The following UMAD1 variants were observed in gnomAD, a reference collection of about 807,000 sequenced individuals.
UMAD1 encodes the protein UBAP1-MVB12-associated (UMA)-domain containing protein 1.
A neutral mutation model predicts 6.1 loss-of-function variants in UMAD1; 8 were observed. The observed-to-expected ratio is 1.30, with a 90% CI of 0.76 to 2.35. The LOEUF (loss-of-function observed/expected upper bound fraction) is 2.35. Among genes scored for constraint, UMAD1 ranks in the 30% most tolerant of loss-of-function variants. The pLI, the probability that UMAD1 is intolerant of heterozygous loss-of-function variation, is 0.00. For missense variants in UMAD1, 130 were observed against 78.4 expected, an observed-to-expected ratio of 1.66 and a Z score of -2.49; for synonymous variants, 56 against 31.4, an observed-to-expected ratio of 1.78 and a Z score of -2.61.
intron 1 of UMAD1, among the ~76,000 whole-genome samples, chr7:7,651,254 A>G (rs1460212411): frequency 2.0e-5 from 3 of 152,238 alleles, no homozygotes; most frequent in Admixed American, 2.0e-4. Flanking sequence ...AGTATATGTT[A>G]GTACTAGAGC....
chr7:7,874,973 C>T (rs13438763), intron 3 of UMAD1, among the ~76,000 whole-genome samples: 78,053 of 151,806 alleles, frequency 0.51, 20,351 homozygotes, highest in Non-Finnish European at 0.54. Flanking sequence ...GGGGTTTCTC[C>T]ATGTTGGTCA....
At chr7:7,655,356 A>C (rs979288502) in intron 1 of UMAD1, among the ~76,000 whole-genome samples, 3 of 152,244 alleles carry the variant, frequency 2.0e-5, no homozygotes, top group African/African-American at 7.2e-5. Flanking sequence ...TTAATTTAGT[A>C]TAAAGTAAAA....
intron 3 of UMAD1, among the ~76,000 whole-genome samples, chr7:7,861,153 T>C (rs1563267524): frequency 6.6e-6 from 1 of 152,232 alleles, no homozygotes. Context: ...TTTAGGATTC[T>C]AGAGATGGAG....
At chr7:7,799,630 G>A (rs1229645006) in intron 2 of UMAD1, among the ~76,000 whole-genome samples, 1 of 152,164 alleles carries the variant, frequency 6.6e-6, no homozygotes, top group Non-Finnish European at 1.5e-5. Context: ...GAAACATCGT[G>A]CATGTGCATT....
At chr7:7,806,423 A>G (rs1782915202) in intron 3 of UMAD1, among the ~76,000 whole-genome samples, 1 of 152,166 alleles carries the variant, frequency 6.6e-6, no homozygotes, top group Non-Finnish European at 1.5e-5. Context: ...ACTATAGTGC[A>G]GGTTTTTGAA....
At chr7:7,797,131 A>G (rs1256989292) in intron 2 of UMAD1, among the ~76,000 whole-genome samples, 1 of 152,308 alleles carries the variant, frequency 6.6e-6, no homozygotes, top group East Asian at 1.9e-4. Flanking sequence ...GCTTACAATC[A>G]TGGCAGAAGG....
At chr7:7,684,965 C>T (rs1264281727) in intron 2 of UMAD1, among the ~76,000 whole-genome samples, 4 of 152,186 alleles carry the variant, frequency 2.6e-5, no homozygotes, top group African/African-American at 7.2e-5. Flanking sequence ...ATTTCTCCTA[C>T]TGTTTCCTTA....
At chr7:7,759,385 C>T (rs1229001621) in intron 2 of UMAD1, among the ~76,000 whole-genome samples, 1 of 152,198 alleles carries the variant, frequency 6.6e-6, no homozygotes, top group Non-Finnish European at 1.5e-5. Flanking sequence ...TCACCTTCAT[C>T]CGGCATCAGC....
chr7:7,793,950 A>G (rs549064648), intron 2 of UMAD1, among the ~76,000 whole-genome samples: 13 of 152,290 alleles, frequency 8.5e-5, no homozygotes, highest in African/African-American at 2.4e-5. Flanking sequence ...TTCGAAAAAA[A>G]ATTTTTTTTT....
intron 1 of UMAD1, among the ~76,000 whole-genome samples, chr7:7,669,306 G>GTT (rs1779548065): frequency 1.3e-5 from 2 of 152,136 alleles, no homozygotes; most frequent in African/African-American, 4.8e-5. Flanking sequence ...AATGTTAGTG[G>GTT]CATTTGTAGT....
At chr7:7,663,764 G>A (rs569112084) in intron 1 of UMAD1, among the ~76,000 whole-genome samples, 12 of 152,102 alleles carry the variant, frequency 7.9e-5, no homozygotes, top group Admixed American at 2.6e-4. Context: ...TAGTATCCCC[G>A]GGGCAATAAC....
intron 1 of UMAD1, among the ~76,000 whole-genome samples, chr7:7,642,869 T>C (rs917822653): frequency 6.6e-6 from 1 of 152,240 alleles, no homozygotes; most frequent in African/African-American, 2.4e-5. Flanking sequence ...TAGGTGGTTT[T>C]ATCACACATG....
intron 2 of UMAD1, among the ~76,000 whole-genome samples, chr7:7,759,054 C>T (rs1781833892): frequency 6.6e-6 from 1 of 152,148 alleles, no homozygotes; most frequent in Non-Finnish European, 1.5e-5. Context: ...GCACTTCTTA[C>T]ATGGTTATTT....
At chr7:7,752,350 C>T (rs1344158831) in intron 2 of UMAD1, among the ~76,000 whole-genome samples, 1 of 152,020 alleles carries the variant, frequency 6.6e-6, no homozygotes, top group Non-Finnish European at 1.5e-5. Context: ...TTAAGTTTCT[C>T]TTGATTTAAC....
intron 3 of UMAD1, among the ~76,000 whole-genome samples, chr7:7,840,886 G>A (rs1297128755): frequency 6.6e-6 from 1 of 152,184 alleles, no homozygotes; most frequent in Non-Finnish European, 1.5e-5. Context: ...GCTTGGAGGA[G>A]TTGTACTCCA....
chr7:7,756,411 C>A (rs1466539518), intron 2 of UMAD1, among the ~76,000 whole-genome samples: 1 of 152,160 alleles, frequency 6.6e-6, no homozygotes, highest in Non-Finnish European at 1.5e-5. Context: ...TGAAAAAGGG[C>A]ATCTGTTGAC....
intron 2 of UMAD1, among the ~76,000 whole-genome samples, chr7:7,711,138 T>C (rs1780752948): frequency 6.6e-6 from 1 of 152,194 alleles, no homozygotes. Flanking sequence ...GTGAATGAAA[T>C]ATCCTGGTTG....
intron 2 of UMAD1, among the ~76,000 whole-genome samples, chr7:7,706,241 GA>G (rs796383719): frequency 6.6e-6 from 1 of 152,112 alleles, no homozygotes; most frequent in African/African-American, 2.4e-5. Flanking sequence ...CTTCTGAGAT[GA>G]AAAAAATCAT....
At chr7:7,695,125 C>T (rs544894835) in intron 2 of UMAD1, among the ~76,000 whole-genome samples, 1 of 152,290 alleles carries the variant, frequency 6.6e-6, no homozygotes, top group South Asian at 2.1e-4. Flanking sequence ...GATTTGCTTT[C>T]TCTGATGATC....
Sources: allele counts gnomAD v4.1 joint callset (sites outside exome capture counted in the v4.1 genomes callset), GRCh38; gene constraint gnomAD v4.1.1; transcripts MANE v1.5; gene names NCBI Gene and HGNC (gene_info 2026-07-23, HGNC 2026-07-21).